The following CDH18 variants were observed in gnomAD, a reference collection of about 807,000 sequenced individuals.
CDH18 encodes the protein cadherin 18.
A neutral mutation model predicts 67.9 loss-of-function variants in CDH18; 31 were observed. That is an observed-to-expected ratio of 0.46 (90% CI 0.34 to 0.62). The LOEUF is 0.62. CDH18 is among the 20% of genes least tolerant of loss of function. The pLI, the probability that CDH18 is intolerant of heterozygous loss-of-function variation, is 0.01. For missense variants in CDH18, 890 were observed against 975.5 expected (o/e 0.91, Z 1.17); for synonymous variants, 362 against 347.2 (o/e 1.04, Z -0.48).
At chr5:20,085,829 C>A (rs1184351902) in intron 2 of CDH18, among the ~76,000 whole-genome samples, 1 of 152,176 alleles carries the variant, frequency 6.6e-6, no homozygotes, top group African/African-American at 2.4e-5. Context: ...CCTCCCACAA[C>A]ACATGGGTAT....
intron 2 of CDH18, among the ~76,000 whole-genome samples, chr5:20,221,181 T>A (rs1741193013): frequency 6.6e-6 from 1 of 152,158 alleles, no homozygotes; most frequent in South Asian, 2.1e-4. Context: ...TTCAGCACTA[T>A]TCACAATAGC....
At chr5:20,223,184 G>C (rs1160316818) in intron 2 of CDH18, among the ~76,000 whole-genome samples, 2 of 152,090 alleles carry the variant, frequency 1.3e-5, no homozygotes, top group Admixed American at 6.6e-5. Context: ...GCTGCCCAAG[G>C]CCGTGGAAAC....
chr5:20,096,663 A>T (rs1746018003), intron 2 of CDH18, among the ~76,000 whole-genome samples: 1 of 152,160 alleles, frequency 6.6e-6, no homozygotes, highest in Non-Finnish European at 1.5e-5. Context: ...GAAGTCATTT[A>T]CATAAATTTT....
chr5:20,053,204 A>T (rs1741589565), intron 2 of CDH18, among the ~76,000 whole-genome samples: 1 of 151,780 alleles, frequency 6.6e-6, no homozygotes, highest in East Asian at 1.9e-4. Context: ...TATCTATCTT[A>T]TACATATAAA....
At chr5:20,509,699 A>T (rs562297827) in intron 1 of CDH18, among the ~76,000 whole-genome samples, 1 of 55,774 alleles carries the variant, frequency 1.8e-5, no homozygotes, top group Non-Finnish European at 4.0e-5. Context: ...GATTACAGGC[A>T]TGAGCCATCA....
At position 19,705,916 on chromosome 5, in the gene CDH18, C is replaced by T. The variant is rs192230610; in HGVS notation, c.643+15431G>A. On this transcript the variant is annotated intron_variant, in intron 5 of 12. Transcript: ENST00000382275. ...TTTGAAATTAACTAATTGGGTTCTC[C>T]CTAAAATAACTAAATTTATACCAAT... is the stretch of plus-strand genomic sequence containing the variant. Among the ~76,000 whole-genome samples the T allele has an allele frequency of 1.1e-4, 16 of 152,166 alleles. No homozygotes were observed. In the East Asian group the frequency reaches 2.9e-3, roughly 28 times the overall value.
intron 7 of CDH18, 81 bp downstream of exon 7, chr5:19,590,976 G>T (rs1269043638): frequency 5.4e-6 from 4 of 744,174 alleles, no homozygotes; most frequent in African/African-American, 1.8e-5. Flanking sequence ...TGACAGCGTG[G>T]ATTATTCATG....
chr5:20,566,588 G>A (rs1758528709), intron 1 of CDH18, among the ~76,000 whole-genome samples: 1 of 144,874 alleles, frequency 6.9e-6, no homozygotes, highest in Non-Finnish European at 1.5e-5. Flanking sequence ...TGTTGGCCGA[G>A]ATGGTCTCAA....
At chr5:20,466,858 G>GT (rs1473738901) in intron 1 of CDH18, among the ~76,000 whole-genome samples, 1 of 151,986 alleles carries the variant, frequency 6.6e-6, no homozygotes, top group African/African-American at 2.4e-5. Flanking sequence ...GATCTTAATG[G>GT]TTTTTTACCA....
chr5:19,549,143 A>G (rs193297960), intron 8 of CDH18, among the ~76,000 whole-genome samples: 1 of 152,144 alleles, frequency 6.6e-6, no homozygotes, highest in South Asian at 2.1e-4. Flanking sequence ...CTAATTCCCA[A>G]TATTGGAGGT....
chr5:20,247,584 T>C (rs1743481557), intron 2 of CDH18, among the ~76,000 whole-genome samples: 2 of 151,722 alleles, frequency 1.3e-5, no homozygotes, highest in Admixed American at 1.3e-4. Flanking sequence ...GCCAGCATGG[T>C]GAAACCCCGT....
At chr5:20,461,063 G>C (rs577487645) in intron 1 of CDH18, among the ~76,000 whole-genome samples, 6 of 152,290 alleles carry the variant, frequency 3.9e-5, no homozygotes, top group African/African-American at 1.4e-4. Context: ...AAGGATACAG[G>C]TATCAATAGG....
intron 1 of CDH18, among the ~76,000 whole-genome samples, chr5:20,430,217 T>C (rs77488470): frequency 0.024 from 3,714 of 152,258 alleles, 156 homozygotes; most frequent in African/African-American, 0.085. Context: ...CAGCGTACTA[T>C]GAAGAAAGCA....
chr5:19,786,174 G>A (rs1775754740), intron 3 of CDH18, among the ~76,000 whole-genome samples: 1 of 152,048 alleles, frequency 6.6e-6, no homozygotes. Flanking sequence ...TTATATGGTA[G>A]CATGCCATCA....
chr5:19,953,273 T>A (rs1008196735), intron 2 of CDH18, among the ~76,000 whole-genome samples: 1 of 152,088 alleles, frequency 6.6e-6, no homozygotes, highest in African/African-American at 2.4e-5. Flanking sequence ...AGGAAGTCTG[T>A]GTACAGAATC....
intron 1 of CDH18, among the ~76,000 whole-genome samples, chr5:20,329,825 A>G (rs530455388): frequency 6.6e-6 from 1 of 151,572 alleles, no homozygotes; most frequent in Admixed American, 6.6e-5. Flanking sequence ...CTGTGTACAT[A>G]CTATAATGTT....
intron 6 of CDH18, among the ~76,000 whole-genome samples, chr5:19,602,132 C>T (rs904450142): frequency 1.3e-5 from 2 of 151,976 alleles, no homozygotes; most frequent in Non-Finnish European, 2.9e-5. Flanking sequence ...TTAAAAGCAT[C>T]CAAATTGGGA....
At chr5:19,677,702 A>C (rs925550546) in intron 5 of CDH18, among the ~76,000 whole-genome samples, 2 of 152,062 alleles carry the variant, frequency 1.3e-5, no homozygotes, top group African/African-American at 4.8e-5. Flanking sequence ...AACTAAAAAA[A>C]AAAGGAGACA....
intron 2 of CDH18, among the ~76,000 whole-genome samples, chr5:20,145,856 TA>T (rs1287245410): frequency 1.3e-5 from 2 of 152,170 alleles, no homozygotes; most frequent in Non-Finnish European, 2.9e-5. Context: ...AGAATATAAC[TA>T]CAATTATATC....
Sources: gnomAD v4.1 joint callset for allele counts (sites outside exome capture counted in the v4.1 genomes callset) on GRCh38, gnomAD v4.1.1 for gene constraint, MANE v1.5 for transcripts, NCBI Gene and HGNC (gene_info 2026-07-23, HGNC 2026-07-21) for gene names.